Variants in GLIS1 observed in about 807,000 individuals in gnomAD.
GLIS1 encodes GLIS family zinc finger 1.
Under a neutral mutation model 63.8 loss-of-function variants are expected in GLIS1, and 24 were observed. That is an observed-to-expected ratio of 0.38 (90% CI 0.27 to 0.53). The LOEUF (loss-of-function observed/expected upper bound fraction) is 0.53, where lower values mean the gene tolerates loss of function less well. Ranked by LOEUF, GLIS1 falls within the 20% of genes least tolerant of loss-of-function variation. GLIS1 has a pLI of 0.85. For missense variants in GLIS1, 1,036 were observed against 1,074.1 expected (o/e 0.96, Z 0.50); for synonymous variants, 450 against 482.5 (o/e 0.93, Z 0.88).
intron 5 of GLIS1, among the ~76,000 whole-genome samples, chr1:53,528,488 TCA>T (rs1644494649): frequency 6.6e-6 from 1 of 152,112 alleles, no homozygotes; most frequent in South Asian, 2.1e-4. Context: ...TCTTGGTTGG[TCA>T]CCAGGATGAA....
At chr1:53,629,159 C>T (rs1338049595) in intron 2 of GLIS1, among the ~76,000 whole-genome samples, 1 of 152,084 alleles carries the variant, frequency 6.6e-6, no homozygotes, top group African/African-American at 2.4e-5. Flanking sequence ...CTACCCTTAC[C>T]GTGATGTGCC....
At chr1:53,509,451 G>T (rs1160172564) in intron 9 of GLIS1, among the ~76,000 whole-genome samples, 164 bp from the exon 10 acceptor site, 1 of 152,060 alleles carries the variant, frequency 6.6e-6, no homozygotes, top group Admixed American at 6.5e-5. Context: ...AGGAGGCTGG[G>T]GCCCCATTCT....
intron 4 of GLIS1, among the ~76,000 whole-genome samples, chr1:53,537,775 G>A (rs756405761): frequency 1.3e-5 from 2 of 152,202 alleles, no homozygotes; most frequent in Non-Finnish European, 2.9e-5. Context: ...GGCATGGCAC[G>A]GGGGCAGGGG....
Position 53,598,829 on chromosome 1 carries a change from T to A in GLIS1, c.437+1272A>T, listed in dbSNP as rs1645287177. ...AGGAATCTAAATTCTCAAAGGAAAA[T>A]GGTTGCACTTGGGAAGAACAGCATC... On this transcript the variant is annotated intron_variant, in intron 3 of 10. Transcript: ENST00000628545. This position sits in a 1 kb window ranked among gnomAD's most constrained non-coding sequence, Gnocchi z 4.6. Among the ~76,000 whole-genome samples the A allele has an allele frequency of 6.6e-6, 1 of 152,146 alleles. No individual in the cohort carries two copies. The highest frequency in any genetic ancestry group is 2.1e-4 in the South Asian group (1 of 4,828).
intron 4 of GLIS1, among the ~76,000 whole-genome samples, chr1:53,582,336 C>T (rs1459979832): frequency 6.6e-6 from 1 of 152,200 alleles, no homozygotes; most frequent in Non-Finnish European, 1.5e-5. Context: ...TCCCAATGCA[C>T]TAAGAAGGTG....
intron 2 of GLIS1, among the ~76,000 whole-genome samples, chr1:53,603,925 A>T (rs1179669559): frequency 6.6e-6 from 1 of 152,244 alleles, no homozygotes; most frequent in African/African-American, 2.4e-5. Context: ...TCAGAGAAGG[A>T]AAGGGCCTGC....
At chr1:53,611,060 T>G (rs1173787929) in intron 2 of GLIS1, among the ~76,000 whole-genome samples, 3 of 152,190 alleles carry the variant, frequency 2.0e-5, no homozygotes, top group Non-Finnish European at 4.4e-5. Context: ...ATTTATCAAT[T>G]TTCTTGAACA....
At chr1:53,615,625 G>A (rs1645473428) in intron 2 of GLIS1, among the ~76,000 whole-genome samples, 1 of 152,172 alleles carries the variant, frequency 6.6e-6, no homozygotes, top group Admixed American at 6.5e-5. Flanking sequence ...TTATCATACT[G>A]AGCTAGTATG....
intron 2 of GLIS1, among the ~76,000 whole-genome samples, chr1:53,699,054 GTTT>G (rs1411111014): frequency 1.4e-5 from 2 of 145,696 alleles, no homozygotes; most frequent in Non-Finnish European, 3.1e-5. Flanking sequence ...TTGTTTGTTT[GTTT>G]TTTATTTTTA....
chr1:53,568,108 G>A (rs998394793), intron 4 of GLIS1, among the ~76,000 whole-genome samples: 3 of 152,204 alleles, frequency 2.0e-5, no homozygotes, highest in Non-Finnish European at 2.9e-5. Flanking sequence ...AAGCAGCCGC[G>A]GGGGCTGTAC....
chr1:53,623,100 C>T (rs1476545598), intron 2 of GLIS1, among the ~76,000 whole-genome samples: 2 of 152,088 alleles, frequency 1.3e-5, no homozygotes, highest in East Asian at 3.8e-4. Context: ...GATTTACAAC[C>T]AACTTTCAAA....
rs1644475855 is a variant in GLIS1, at chr1:53,526,907, T to C, written c.1483-2020A>G. 6.6e-6 allele frequency among the ~76,000 whole-genome samples: 1 copy of C among 152,252 alleles called. No homozygotes were observed. The highest frequency in any genetic ancestry group is 2.4e-5 in the African/African-American group (1 of 41,470). On this transcript the variant is annotated intron_variant, in intron 5 of 10. Coordinates refer to ENST00000628545, the MANE Select transcript of GLIS1 (RefSeq NM_001367484.1). This position sits in a 1 kb window ranked among gnomAD's most constrained non-coding sequence, Gnocchi z 4.4. ...AGCCAAGCTCCGCCTGGAATGGCCA[T>C]GTGGGCTGCAGCGCCGGGCGGCCTC...
At chr1:53,634,995 A>C (rs1265446180) in intron 2 of GLIS1, among the ~76,000 whole-genome samples, 1 of 152,136 alleles carries the variant, frequency 6.6e-6, no homozygotes, top group Non-Finnish European at 1.5e-5. Flanking sequence ...AGGGGAGTCC[A>C]GGCTTAGACA....
At chr1:53,604,477 A>G (rs1645349722) in intron 2 of GLIS1, among the ~76,000 whole-genome samples, 1 of 152,254 alleles carries the variant, frequency 6.6e-6, no homozygotes, top group African/African-American at 2.4e-5. Flanking sequence ...TCTGCGTGAG[A>G]GTGGGCAATG....
rs544629596 is a variant in GLIS1, at chr1:53,592,882, G to A, written c.1320+1226C>T. ...GCTGCAGAAGCAGATCCTGTCCGACGCCCAGCTCCCAGCTCCACAGGTAGG... is the reference window on the plus strand; with the variant it reads ...GCTGCAGAAGCAGATCCTGTCCGACACCCAGCTCCCAGCTCCACAGGTAGG... On this transcript the variant is annotated intron_variant, in intron 4 of 10. Coordinates refer to ENST00000628545, the MANE Select transcript of GLIS1 (RefSeq NM_001367484.1). Among the ~76,000 whole-genome samples the A allele has an allele frequency of 5.9e-5, 9 of 152,366 alleles. No homozygotes were observed. The East Asian group carries it at 9.6e-4, about 16-fold the overall frequency.
chr1:53,651,991 C>T (rs1052542594), intron 2 of GLIS1, among the ~76,000 whole-genome samples: 4 of 152,188 alleles, frequency 2.6e-5, no homozygotes, highest in Admixed American at 6.5e-5. Context: ...TCCTCAAGGC[C>T]TCTCCAGAGT....
At chr1:53,702,986 C>T (rs896774880) in intron 2 of GLIS1, among the ~76,000 whole-genome samples, 2 of 152,226 alleles carry the variant, frequency 1.3e-5, no homozygotes, top group African/African-American at 2.4e-5. Context: ...CTCAACAGAT[C>T]TTCTCTGGCT....
intron 4 of GLIS1, among the ~76,000 whole-genome samples, chr1:53,583,751 G>A (rs569939436): frequency 1.8e-4 from 28 of 152,230 alleles, no homozygotes; most frequent in Admixed American, 3.9e-4. Flanking sequence ...GAGGGGCCGG[G>A]AAAGTCGGTG....
chr1:53,672,179 T>A (rs2100398786), intron 2 of GLIS1, among the ~76,000 whole-genome samples: 1 of 152,256 alleles, frequency 6.6e-6, no homozygotes, highest in East Asian at 1.9e-4. Flanking sequence ...AAGCCCAGGG[T>A]ATATCCTAAG....
Sources: allele counts gnomAD v4.1 joint callset (sites outside exome capture counted in the v4.1 genomes callset), GRCh38; gene constraint gnomAD v4.1.1; non-coding constraint Gnocchi (gnomAD v3.1); transcripts MANE v1.5; gene names NCBI Gene and HGNC (gene_info 2026-07-23, HGNC 2026-07-21).